Variants in BMAL2 observed in about 807,000 individuals in gnomAD.
BMAL2 encodes the protein basic helix-loop-helix ARNT-like protein 2.
chr12:27,402,600 A>G, the BMAL2 span: 8 of 1,594,124 alleles, frequency 5.0e-6, no homozygotes, highest in South Asian at 1.1e-5. Flanking sequence ...TAAATCACCT[A>G]TGGTGTTTTT....
chr12:27,421,293 C>A, the BMAL2 span: 2 of 152,160 alleles, frequency 1.3e-5, no homozygotes, highest in South Asian at 4.1e-4. Context: ...CGCCTGTAAT[C>A]CCAGTACTTT....
At chr12:27,403,582 A>G in the BMAL2 span, 3 of 1,261,200 alleles carry the variant, frequency 2.4e-6, no homozygotes, top group Non-Finnish European at 3.4e-6. Flanking sequence ...AAGTAAAAAT[A>G]TCATATTTAT....
chr12:27,388,345 A>T, the BMAL2 span, among the ~76,000 whole-genome samples: 1 of 152,114 alleles, frequency 6.6e-6, no homozygotes, highest in Non-Finnish European at 1.5e-5. Context: ...TTAACCACAC[A>T]GTTTTTTTTA....
the BMAL2 span, among the ~76,000 whole-genome samples, chr12:27,375,439 A>T: frequency 6.6e-6 from 1 of 152,230 alleles, no homozygotes; most frequent in East Asian, 1.9e-4. Context: ...TGTTAAATGA[A>T]TAAGACAAGA....
chr12:27,407,592 C>T, the BMAL2 span, among the ~76,000 whole-genome samples: 6 of 151,866 alleles, frequency 4.0e-5, no homozygotes, highest in Admixed American at 3.9e-4. Flanking sequence ...GCATTCAAAG[C>T]AGTGTGTAGA....
At chr12:27,348,982 G>A in the BMAL2 span, among the ~76,000 whole-genome samples, 6 of 152,234 alleles carry the variant, frequency 3.9e-5, no homozygotes, top group African/African-American at 1.4e-4. Context: ...GGAACAGTGG[G>A]TAGAGAGGGC....
chr12:27,370,852 C>G, the BMAL2 span, among the ~76,000 whole-genome samples: 1 of 152,090 alleles, frequency 6.6e-6, no homozygotes, highest in Non-Finnish European at 1.5e-5. Flanking sequence ...GATCCACCCA[C>G]CTTGGCCTCC....
the BMAL2 span, among the ~76,000 whole-genome samples, chr12:27,377,087 A>C: frequency 6.6e-6 from 1 of 151,652 alleles, no homozygotes; most frequent in East Asian, 1.9e-4. Flanking sequence ...AACAACAATA[A>C]AATATTTTTC....
At chr12:27,415,407 A>G in the BMAL2 span, among the ~76,000 whole-genome samples, 1 of 152,116 alleles carries the variant, frequency 6.6e-6, no homozygotes, top group Non-Finnish European at 1.5e-5. Context: ...TTTTTTCTCT[A>G]TGTGTGTGTT....
At chr12:27,367,749 T>C in the BMAL2 span, among the ~76,000 whole-genome samples, 1 of 151,960 alleles carries the variant, frequency 6.6e-6, no homozygotes, top group East Asian at 1.9e-4. Context: ...GGCTGGTATA[T>C]ATATTTAAAA....
chr12:27,360,802 C>CTAAAA, the BMAL2 span, among the ~76,000 whole-genome samples: 1 of 1,860 alleles, frequency 5.4e-4, no homozygotes, highest in African/African-American at 2.2e-3. Context: ...AGTGATTTGT[C>CTAAAA]CAAAAAAAAA....
the BMAL2 span, chr12:27,387,450 A>AGTTCT: frequency 7.7e-6 from 5 of 651,002 alleles, no homozygotes; most frequent in Non-Finnish European, 1.3e-5. Context: ...TTAGAACTCC[A>AGTTCT]AGAGAGATGG....
the BMAL2 span, among the ~76,000 whole-genome samples, chr12:27,418,401 A>G: frequency 2.7e-5 from 4 of 149,990 alleles, no homozygotes; most frequent in African/African-American, 9.8e-5. Context: ...AGAAGTTCAA[A>G]CCAGCCTGGC....
the BMAL2 span, among the ~76,000 whole-genome samples, chr12:27,364,072 C>G: frequency 6.6e-6 from 1 of 152,130 alleles, no homozygotes; most frequent in Admixed American, 6.6e-5. Context: ...ACGATGGTAT[C>G]TTCTTGCTGC....
chr12:27,420,264 A>G, the BMAL2 span: 3 of 1,178,096 alleles, frequency 2.5e-6, no homozygotes, highest in Non-Finnish European at 3.6e-6. Flanking sequence ...TTTGCCTTCA[A>G]AAATACATTT....
At chr12:27,357,073 A>G in the BMAL2 span, among the ~76,000 whole-genome samples, 1 of 152,152 alleles carries the variant, frequency 6.6e-6, no homozygotes, top group Non-Finnish European at 1.5e-5. Flanking sequence ...GTCGCTGCAA[A>G]TGACATTATT....
the BMAL2 span, chr12:27,415,898 C>T: frequency 1.0e-5 from 16 of 1,607,750 alleles, no homozygotes; most frequent in Middle Eastern, 1.6e-4. Flanking sequence ...CTTGATGATT[C>T]GAGTCCAACA....
chr12:27,345,217 A>G, the BMAL2 span, among the ~76,000 whole-genome samples: 1 of 152,166 alleles, frequency 6.6e-6, no homozygotes, highest in Admixed American at 6.5e-5. Flanking sequence ...CTTCCCCCCA[A>G]AAATGCCCCC....
chr12:27,380,254 C>G, the BMAL2 span: 2 of 1,614,046 alleles, frequency 1.2e-6, no homozygotes, highest in Non-Finnish European at 1.7e-6. Context: ...TAGAGAAGCT[C>G]ATAGCCAAAC....
Sources: gnomAD v4.1 joint callset for allele counts (sites outside exome capture counted in the v4.1 genomes callset) on GRCh38, gnomAD v4.1.1 for gene constraint, MANE v1.5 for transcripts, NCBI Gene and HGNC (gene_info 2026-07-23, HGNC 2026-07-21) for gene names.